TMEM132B: variants seen among roughly 807,000 people sequenced by gnomAD.
TMEM132B encodes transmembrane protein 132B.
Under a neutral mutation model 90.8 loss-of-function variants are expected in TMEM132B, and 18 were observed. The ratio of observed to expected loss-of-function variants is 0.20; its 90% CI spans 0.14 to 0.29. The LOEUF is 0.29. Among genes scored for constraint, TMEM132B ranks in the 10% least tolerant of loss-of-function variants. The probability of loss-of-function intolerance (pLI) is 1.00; values close to 1 mark genes in which losing one functional copy is unlikely to be tolerated. For synonymous variants in TMEM132B, 504 were observed against 523.3 expected (o/e 0.96, Z 0.50); for missense variants, 1,096 against 1,326.8 (o/e 0.83, Z 2.70).
At chr12:125,586,285 A>G (rs1885177082) in intron 5 of TMEM132B, 1 of 152,240 alleles carries the variant, frequency 6.6e-6, no homozygotes, top group African/African-American at 2.4e-5. Context: ...AGTTATGGTA[A>G]TATCCAAACA....
At chr12:125,542,025 CAAAAAAA>C (rs71306285) in intron 4 of TMEM132B, among the ~76,000 whole-genome samples, 12 of 23,302 alleles carry the variant, frequency 5.1e-4, no homozygotes, top group African/African-American at 1.1e-3. Flanking sequence ...ACCCCCGTCT[CAAAAAAA>C]AAAAAAAAAA....
At chr12:125,403,624 A>T (rs1326421259) in intron 2 of TMEM132B, among the ~76,000 whole-genome samples, 2 of 152,222 alleles carry the variant, frequency 1.3e-5, no homozygotes, top group Non-Finnish European at 2.9e-5. Flanking sequence ...TAAAATTAGG[A>T]AGGATTTGGA....
At chr12:125,576,003 C>T (rs1884933060) in intron 4 of TMEM132B, among the ~76,000 whole-genome samples, 2 of 151,964 alleles carry the variant, frequency 1.3e-5, no homozygotes, top group African/African-American at 4.8e-5. Context: ...AGCTTGTGTA[C>T]TTCTGGAAAA....
intron 4 of TMEM132B, among the ~76,000 whole-genome samples, chr12:125,539,990 C>G (rs73414395): frequency 0.064 from 9,693 of 152,054 alleles, 914 homozygotes; most frequent in African/African-American, 0.21. Context: ...TAAATTTTCC[C>G]CTAAGTTCTC....
chr12:125,480,924 C>T lies in TMEM132B; in HGVS notation c.1107-38515C>T, dbSNP rs142016670. On this transcript the variant is annotated intron_variant, in intron 3 of 8. Transcript: ENST00000682704. ...AGCTTATCCACCAAGATCAAGTGGG[C>T]TTCATCCCTGGGATGCAAGGCTGGT... Among the ~76,000 whole-genome samples, 217 of 152,286 alleles carry T rather than the reference C, an allele frequency of 1.4e-3. 1 individual carries two copies. The highest frequency in any genetic ancestry group is 5.0e-3 in the African/African-American group (208 of 41,552).
In TMEM132B at chr12:125,350,203, A is replaced by G; in HGVS notation, c.819A>G (p.Gln273=). 1.2e-6 allele frequency: 2 copies of G among 1,614,136 alleles called. No homozygotes were observed. The highest frequency in any genetic ancestry group is 1.1e-5 in the South Asian group (1 of 91,064). ...RIGSVVVYPT[Q]DDLKWSLVSL... is the part of the protein sequence containing the mutation. Reference sequence around the variant, plus strand: ...GGAGTGTGGTGGTCTACCCAACCCAAGATGATCTGAAGTGGTCCCTGGTGA... The same window carrying G: ...GGAGTGTGGTGGTCTACCCAACCCAGGATGATCTGAAGTGGTCCCTGGTGA... The change falls in exon 2 of 9, where the codon CAA becomes CAG. Residue 273 remains glutamine (Q), a synonymous_variant. Transcript: ENST00000682704.
chr12:125,426,212 C>T (rs1355219623), intron 3 of TMEM132B, among the ~76,000 whole-genome samples: 1 of 152,146 alleles, frequency 6.6e-6, no homozygotes, highest in African/African-American at 2.4e-5. Context: ...TGCTGAGTAT[C>T]CTTTCATGTG....
In TMEM132B at chr12:125,313,008, G is replaced by A. The variant is rs527667212; in HGVS notation, c.68-36444G>A. Among the ~76,000 whole-genome samples the A allele has an allele frequency of 1.2e-3, 184 of 152,278 alleles. 1 individual carries two copies. Among genetic ancestry groups the A allele is most frequent in the Non-Finnish European group, 2.2e-3 (153 of 68,026 alleles). The stretch of plus-strand genomic sequence containing the variant: ...GGAAGCCTGCACATGCTCAGGATGT[G>A]GACCGTGTGCATAATTTTTATTGGA... On this transcript the variant is annotated intron_variant, in intron 1 of 8. Coordinates refer to ENST00000682704, the MANE Select transcript of TMEM132B (RefSeq NM_001366854.1).
At chr12:125,455,994 C>T (rs1455418455) in intron 3 of TMEM132B, among the ~76,000 whole-genome samples, 6 of 152,132 alleles carry the variant, frequency 3.9e-5, no homozygotes, top group South Asian at 2.1e-4. Flanking sequence ...GCAACTACTA[C>T]GTTCCACTGT....
At chr12:125,429,063 T>A (rs934854960) in intron 3 of TMEM132B, among the ~76,000 whole-genome samples, 2 of 152,204 alleles carry the variant, frequency 1.3e-5, no homozygotes, top group Admixed American at 6.5e-5. Flanking sequence ...TGTATTAGCT[T>A]CCCACTCACT....
chr12:125,415,291 C>T lies in TMEM132B; in HGVS notation c.960-240C>T, dbSNP rs1373252404. ...TCTGGTTCCCAGCACACTGATTAAA[C>T]AGAAAATTAATGCACATGGCAAAAG... On this transcript the variant is annotated intron_variant, in intron 2 of 8. Coordinates refer to ENST00000682704, the MANE Select transcript of TMEM132B (RefSeq NM_001366854.1). This position sits in a 1 kb window ranked among gnomAD's most constrained non-coding sequence, Gnocchi z 5.3. Among the ~76,000 whole-genome samples, 5 of 152,190 alleles carry T rather than the reference C, an allele frequency of 3.3e-5. No individual in the cohort carries two copies. Among genetic ancestry groups the T allele is most frequent in the African/African-American group, 1.2e-4 (5 of 41,450 alleles).
At chr12:125,471,500 G>C (rs1484510735) in intron 3 of TMEM132B, among the ~76,000 whole-genome samples, 3 of 152,210 alleles carry the variant, frequency 2.0e-5, no homozygotes, top group Non-Finnish European at 4.4e-5. Flanking sequence ...TTTAAAGTTA[G>C]AATGGCCTCT....
At chr12:125,511,739 C>T (rs1185153903) in intron 3 of TMEM132B, among the ~76,000 whole-genome samples, 1 of 151,292 alleles carries the variant, frequency 6.6e-6, no homozygotes, top group African/African-American at 2.4e-5. Flanking sequence ...GTAGTCCCAG[C>T]TACTTGGGAG....
chr12:125,450,985 G>A (rs138579522), intron 3 of TMEM132B, among the ~76,000 whole-genome samples: 1 of 152,178 alleles, frequency 6.6e-6, no homozygotes, highest in African/African-American at 2.4e-5. Context: ...GGCAGTGAGG[G>A]TGTGTATGTG....
rs145633086 is a variant in TMEM132B, at chr12:125,553,703, AT to A, written c.1294-30145del. Among the ~76,000 whole-genome samples the A allele has an allele frequency of 5.6e-3, 852 of 151,580 alleles. 8 individuals are homozygous for A. Among genetic ancestry groups the A allele is most frequent in the African/African-American group, 0.02 (828 of 41,522 alleles). The stretch of plus-strand genomic sequence containing the variant: ...GAGAATATTTTAATTCTCTTTCAAC[AT>A]TTCTGATTAGGTCAAGAACAGATTC... On this transcript the variant is annotated intron_variant, in intron 4 of 8. Transcript: ENST00000682704.
chr12:125,467,634 A>AT (rs1343274892), intron 3 of TMEM132B, among the ~76,000 whole-genome samples: 1 of 152,224 alleles, frequency 6.6e-6, no homozygotes, highest in Non-Finnish European at 1.5e-5. Context: ...ATAGTTCAAC[A>AT]TTTTAAAGTG....
chr12:125,341,936 C>T (rs145971675), intron 1 of TMEM132B, among the ~76,000 whole-genome samples: 1 of 152,340 alleles, frequency 6.6e-6, no homozygotes, highest in East Asian at 1.9e-4. Flanking sequence ...TCAGCTATCT[C>T]TCTACCAGTC....
intron 2 of TMEM132B, among the ~76,000 whole-genome samples, chr12:125,389,050 ACACAC>A (rs1878930564): frequency 2.6e-5 from 4 of 151,210 alleles, no homozygotes; most frequent in African/African-American, 9.8e-5. Flanking sequence ...ACACACACAC[ACACAC>A]AAACACACAA....
intron 1 of TMEM132B, among the ~76,000 whole-genome samples, chr12:125,239,531 C>T (rs770144559): frequency 1.3e-5 from 2 of 152,080 alleles, no homozygotes; most frequent in Admixed American, 6.5e-5. Flanking sequence ...GCCTGTGTTG[C>T]GTTTGTTCTC....
Sources: allele counts gnomAD v4.1 joint callset (sites outside exome capture counted in the v4.1 genomes callset), GRCh38; gene constraint gnomAD v4.1.1; non-coding constraint Gnocchi (gnomAD v3.1); transcripts MANE v1.5; gene names NCBI Gene and HGNC (gene_info 2026-07-23, HGNC 2026-07-21).